TTLL11: variants seen among roughly 807,000 people sequenced by gnomAD.
TTLL11 encodes tubulin tyrosine ligase like 11, also known as tubulin polyglutamylase TTLL11.
A neutral mutation model predicts 51.7 loss-of-function variants in TTLL11; 42 were observed. The observed-to-expected ratio is 0.81, with a 90% CI of 0.64 to 1.05. TTLL11 has a LOEUF of 1.05. TTLL11 is among the 50% of genes least tolerant of loss of function. The probability of loss-of-function intolerance (pLI) is 0.00; values close to 1 mark genes in which losing one functional copy is unlikely to be tolerated. For synonymous variants in TTLL11, 381 were observed against 383.5 expected (o/e 0.99, Z 0.08); for missense variants, 799 against 940.4 (o/e 0.85, Z 1.97).
intron 7 of TTLL11, among the ~76,000 whole-genome samples, chr9:121,868,231 C>G (rs1006875834): frequency 2.6e-5 from 4 of 152,160 alleles, no homozygotes; most frequent in Admixed American, 6.5e-5. Flanking sequence ...GCCCTAAGTG[C>G]CCTCATGACC....
intron 3 of TTLL11, among the ~76,000 whole-genome samples, chr9:122,013,867 G>A (rs1034788092): frequency 2.6e-5 from 4 of 152,190 alleles, no homozygotes; most frequent in African/African-American, 9.7e-5. Context: ...AGAAACTTGT[G>A]CAGAATTTTA....
chr9:121,902,201 T>C (rs1478502524), intron 6 of TTLL11, among the ~76,000 whole-genome samples: 2 of 152,226 alleles, frequency 1.3e-5, no homozygotes, highest in Non-Finnish European at 2.9e-5. Context: ...CTTTGGTGCC[T>C]ATCCTTCCTT....
intron 3 of TTLL11, among the ~76,000 whole-genome samples, chr9:122,016,374 C>T (rs1201164431): frequency 1.3e-4 from 20 of 152,182 alleles, no homozygotes; most frequent in Admixed American, 1.3e-3. Flanking sequence ...GGAGTTTAAA[C>T]TGCATCTTTT....
intron 6 of TTLL11, among the ~76,000 whole-genome samples, chr9:121,922,874 G>A (rs912441704): frequency 2.0e-5 from 3 of 151,800 alleles, no homozygotes; most frequent in African/African-American, 7.3e-5. Flanking sequence ...ACTATAAAAT[G>A]AAACATAAAT....
intron 7 of TTLL11, among the ~76,000 whole-genome samples, chr9:121,865,985 TTTA>T (rs777787778): frequency 1.3e-5 from 2 of 152,188 alleles, no homozygotes; most frequent in Non-Finnish European, 1.5e-5. Flanking sequence ...AATTGGAGTG[TTTA>T]TTATTTTCTT....
intron 4 of TTLL11, among the ~76,000 whole-genome samples, chr9:121,977,760 C>T (rs1842745188): frequency 6.6e-6 from 1 of 151,666 alleles, no homozygotes; most frequent in African/African-American, 2.4e-5. Flanking sequence ...CTGCAACCTC[C>T]GCCTCCCAGG....
At chr9:121,883,605 T>A (rs764601856) in intron 6 of TTLL11, among the ~76,000 whole-genome samples, 1 of 152,206 alleles carries the variant, frequency 6.6e-6, no homozygotes, top group Non-Finnish European at 1.5e-5. Context: ...AAAGTCTAAC[T>A]TTTTACTTTA....
chr9:122,050,485 G>A (rs916185132), intron 1 of TTLL11, among the ~76,000 whole-genome samples: 4 of 151,974 alleles, frequency 2.6e-5, no homozygotes, highest in Admixed American at 6.6e-5. Flanking sequence ...TTTACATGAC[G>A]GCCTCCCTCA....
At chr9:121,916,109 A>G (rs1840316207) in intron 6 of TTLL11, among the ~76,000 whole-genome samples, 1 of 152,140 alleles carries the variant, frequency 6.6e-6, no homozygotes, top group African/African-American at 2.4e-5. Flanking sequence ...TCAGAGGATT[A>G]ATTATAAAAA....
rs149007888 is a variant in TTLL11, at chr9:121,974,824, T to C, written c.1365+60A>G. 1,409 of 1,247,066 alleles carry C rather than the reference T, an allele frequency of 1.1e-3. 19 individuals are homozygous for C. In the African/African-American group the frequency reaches 0.017, roughly 15 times the overall value. The allele number at this position is 1,247,066 out of a possible 1,614,324, so 77.3% of individuals were successfully genotyped here. On this transcript the variant is annotated intron_variant, in intron 5 of 8. Transcript: ENST00000321582. ...ATCTTGTTTTGTTAAGTGAGCAACATGAGGGTAGGAATATTCAGCTGTATG... is the reference window on the plus strand; with the variant it reads ...ATCTTGTTTTGTTAAGTGAGCAACACGAGGGTAGGAATATTCAGCTGTATG...
In TTLL11 at chr9:121,859,343, A is replaced by T. The variant is rs187642811; in HGVS notation, c.1840+994T>A. Among the ~76,000 whole-genome samples, 375 of 150,570 alleles carry T rather than the reference A, an allele frequency of 2.5e-3. 4 individuals are homozygous for T. Among genetic ancestry groups the T allele is most frequent in the African/African-American group, 8.8e-3 (354 of 40,270 alleles). On this transcript the variant is annotated intron_variant, in intron 8 of 8. Transcript: ENST00000321582. ...CTGTCTCTACTGAAAAAAAAAAAAA[A>T]ATACAAAATTAGCCGGGCATGGTGG...
At chr9:121,861,094 T>C (rs1039483699) in intron 7 of TTLL11, among the ~76,000 whole-genome samples, 1 of 151,834 alleles carries the variant, frequency 6.6e-6, no homozygotes, top group African/African-American at 2.4e-5. Flanking sequence ...AGTGTTTTTT[T>C]TTTTTTTTTT....
At chr9:122,050,473 T>A (rs1845128968) in intron 1 of TTLL11, among the ~76,000 whole-genome samples, 1 of 152,122 alleles carries the variant, frequency 6.6e-6, no homozygotes, top group African/African-American at 2.4e-5. Context: ...GGGGCATTAA[T>A]GTTTACATGA....
At chr9:122,069,083 T>TCACACAC (rs1319390169) in intron 1 of TTLL11, among the ~76,000 whole-genome samples, 1 of 152,214 alleles carries the variant, frequency 6.6e-6, no homozygotes, top group Non-Finnish European at 1.5e-5. Flanking sequence ...GCCTACTCGT[T>TCACACAC]ACAACCGTTT....
chr9:122,028,536 G>GTTT (rs1350872214), intron 3 of TTLL11, among the ~76,000 whole-genome samples: 4 of 152,108 alleles, frequency 2.6e-5, no homozygotes, highest in Non-Finnish European at 5.9e-5. Context: ...AATGCATGAG[G>GTTT]AAAACACTGA....
chr9:121,827,478 G>T (rs1418324101), intron 8 of TTLL11, among the ~76,000 whole-genome samples: 1 of 152,108 alleles, frequency 6.6e-6, no homozygotes, highest in East Asian at 1.9e-4. Flanking sequence ...TGGAGCCCAG[G>T]GTACCCTCAA....
chr9:121,925,167 T>C (rs6478548), intron 6 of TTLL11, among the ~76,000 whole-genome samples: 126,919 of 152,194 alleles, frequency 0.83, 54,180 homozygotes, highest in Non-Finnish European at 0.94. Flanking sequence ...TCTACCATGA[T>C]ATTTCTGAAG....
intron 2 of TTLL11, among the ~76,000 whole-genome samples, chr9:122,032,530 T>A (rs1844583211): frequency 6.6e-6 from 1 of 151,932 alleles, no homozygotes; most frequent in South Asian, 2.1e-4. Flanking sequence ...TTGAAATGTC[T>A]CACTGTTATA....
chr9:122,047,574 C>CAG (rs934836526), intron 1 of TTLL11, among the ~76,000 whole-genome samples: 5 of 151,732 alleles, frequency 3.3e-5, no homozygotes, highest in African/African-American at 4.8e-5. Context: ...ATAGAGACCA[C>CAG]AGAGAGAGAG....
Sources: allele counts gnomAD v4.1 joint callset (sites outside exome capture counted in the v4.1 genomes callset), GRCh38; gene constraint gnomAD v4.1.1; transcripts MANE v1.5; gene names NCBI Gene and HGNC (gene_info 2026-07-23, HGNC 2026-07-21).